The following MDGA2 variants were observed in gnomAD, a reference collection of about 807,000 sequenced individuals.
MDGA2 encodes the protein MAM domain containing glycosylphosphatidylinositol anchor 2, also known as MAM domain-containing glycosylphosphatidylinositol anchor protein 2.
Under a neutral mutation model 117.8 loss-of-function variants are expected in MDGA2, and 40 were observed. The ratio of observed to expected loss-of-function variants is 0.34; its 90% CI spans 0.26 to 0.44. MDGA2 has a LOEUF of 0.44. MDGA2 is among the 20% of genes least tolerant of loss of function. The probability of loss-of-function intolerance (pLI) is 1.00; values close to 1 mark genes in which losing one functional copy is unlikely to be tolerated. For missense variants in MDGA2, 1,123 were observed against 1,250.6 expected (o/e 0.90, Z 1.54); for synonymous variants, 452 against 439.0 (o/e 1.03, Z -0.37).
At chr14:46,979,652 T>C (rs1172207113) in intron 8 of MDGA2, among the ~76,000 whole-genome samples, 1 of 152,200 alleles carries the variant, frequency 6.6e-6, no homozygotes, top group Non-Finnish European at 1.5e-5. Flanking sequence ...AGCCACAATA[T>C]GCCCTTAACC....
intron 10 of MDGA2, among the ~76,000 whole-genome samples, chr14:46,902,221 G>C (rs1198692896): frequency 6.6e-6 from 1 of 151,902 alleles, no homozygotes; most frequent in Non-Finnish European, 1.5e-5. Context: ...AATTTTGAAA[G>C]TGTTTGCATT....
rs933125178 is a variant in MDGA2, at chr14:47,475,235, A to T, written c.281-173685T>A. 6.6e-5 allele frequency among the ~76,000 whole-genome samples: 10 copies of T among 152,322 alleles called. No homozygotes were observed. In the East Asian group the frequency reaches 1.2e-3, roughly 18 times the overall value. On this transcript the variant is annotated intron_variant, in intron 1 of 16. Transcript: ENST00000399232. Reference sequence around the variant, plus strand: ...AAGAAACATATTGAAGGTCAACTTCACTCATCATTAGAGAAATGCAAATCA... The same window carrying T: ...AAGAAACATATTGAAGGTCAACTTCTCTCATCATTAGAGAAATGCAAATCA...
intron 1 of MDGA2, among the ~76,000 whole-genome samples, chr14:47,614,386 G>T (rs989038105): frequency 2.0e-5 from 3 of 152,000 alleles, no homozygotes; most frequent in Non-Finnish European, 2.9e-5. Flanking sequence ...CATCGCATCC[G>T]GCCACTTTTT....
intron 8 of MDGA2, among the ~76,000 whole-genome samples, chr14:47,014,623 A>G (rs1325003287): frequency 1.3e-5 from 2 of 152,136 alleles, no homozygotes; most frequent in Admixed American, 6.5e-5. Context: ...TCATGAACCA[A>G]CATGTGTTAG....
At chr14:47,142,018 A>T (rs1488977542) in intron 4 of MDGA2, among the ~76,000 whole-genome samples, 2 of 152,202 alleles carry the variant, frequency 1.3e-5, no homozygotes, top group Non-Finnish European at 2.9e-5. Context: ...TCAATTTTTT[A>T]AAAGTTTGAT....
intron 1 of MDGA2, among the ~76,000 whole-genome samples, chr14:47,471,901 G>A (rs1261077833): frequency 6.6e-6 from 1 of 152,008 alleles, no homozygotes; most frequent in African/African-American, 2.4e-5. Flanking sequence ...CTTGTTACAA[G>A]ACCAGGCTTG....
rs1451072312 is a variant in MDGA2, at chr14:47,675,020, G to A, written c.-224C>T. On this transcript the variant is annotated 5_prime_UTR_variant, in exon 1 of 17. Coordinates refer to ENST00000399232, the MANE Select transcript of MDGA2 (RefSeq NM_001113498.3). ...GGCGGCGGCGGCGCGCTGGGCCGGC[G>A]GCGGGCGCGGGCAGGGGGCCGGGGG... The A allele has an allele frequency of 8.3e-6, 2 of 240,726 alleles. No homozygotes were observed. The highest frequency in any genetic ancestry group is 1.8e-4 in the East Asian group (2 of 11,168). The allele number at this position is 240,726 out of a possible 1,614,324, so 14.9% of individuals were successfully genotyped here. A position where few individuals can be genotyped will look rare whatever the true frequency, so the allele number is the denominator to read the frequency against.
chr14:47,352,309 G>A (rs887011023), intron 1 of MDGA2, among the ~76,000 whole-genome samples: 9 of 152,190 alleles, frequency 5.9e-5, no homozygotes, highest in East Asian at 3.9e-4. Flanking sequence ...CCTGCTGATC[G>A]TGTCTGGTTA....
chr14:47,023,603 T>A (rs536098297), intron 8 of MDGA2, among the ~76,000 whole-genome samples: 2 of 152,280 alleles, frequency 1.3e-5, no homozygotes, highest in South Asian at 2.1e-4. Context: ...TATCCTAATT[T>A]GAAATGTATG....
At chr14:46,882,252 C>T (rs937292628) in intron 10 of MDGA2, 31 bp from the exon 11 acceptor site, 4 of 1,572,516 alleles carry the variant, frequency 2.5e-6, no homozygotes, top group Non-Finnish European at 3.5e-6. Context: ...GAATAATGTT[C>T]CCAGTATGTT....
chr14:47,619,722 T>TTTTAAAAGGCTGG (rs2138924317), intron 1 of MDGA2, among the ~76,000 whole-genome samples: 1 of 152,314 alleles, frequency 6.6e-6, no homozygotes, highest in Admixed American at 6.5e-5. Context: ...GGTACTGACG[T>TTTTAAAAGGCTGG]TTTAAAAGGC....
intron 1 of MDGA2, among the ~76,000 whole-genome samples, chr14:47,396,419 T>G (rs1178902549): frequency 6.6e-6 from 1 of 152,120 alleles, no homozygotes; most frequent in Admixed American, 6.6e-5. Context: ...ATTCAGGACA[T>G]AGCCATGGGC....
intron 1 of MDGA2, among the ~76,000 whole-genome samples, chr14:47,374,226 G>A (rs1891427621): frequency 6.6e-6 from 1 of 151,936 alleles, no homozygotes; most frequent in Non-Finnish European, 1.5e-5. Flanking sequence ...TACCTTTGAT[G>A]GTAAAGATCA....
In MDGA2 at chr14:47,002,822, T is replaced by C. The variant is rs369855306; in HGVS notation, c.1819+32189A>G. Among the ~76,000 whole-genome samples the C allele has an allele frequency of 6.3e-4, 96 of 152,308 alleles. 2 individuals carry two copies. The highest frequency in any genetic ancestry group is 2.2e-3 in the African/African-American group (90 of 41,580). ...AATATATGCATTTTGTGTAAGTCTG[T>C]CTTAGCTTTGTTGAGGTATAATTGA... On this transcript the variant is annotated intron_variant, in intron 8 of 16. Coordinates refer to ENST00000399232, the MANE Select transcript of MDGA2 (RefSeq NM_001113498.3).
chr14:46,978,099 T>G (rs982380638), intron 8 of MDGA2, among the ~76,000 whole-genome samples: 1 of 151,930 alleles, frequency 6.6e-6, no homozygotes, highest in African/African-American at 2.4e-5. Context: ...CTAGGTATAA[T>G]AGTTTCAACA....
intron 5 of MDGA2, among the ~76,000 whole-genome samples, chr14:47,128,239 T>C (rs986770103): frequency 6.6e-6 from 1 of 152,066 alleles, no homozygotes; most frequent in Non-Finnish European, 1.5e-5. Context: ...GATAGAAAAA[T>C]ACATGACAAG....
At chr14:47,170,077 T>G (rs1241701168) in intron 3 of MDGA2, among the ~76,000 whole-genome samples, 2 of 152,106 alleles carry the variant, frequency 1.3e-5, no homozygotes, top group African/African-American at 4.8e-5. Flanking sequence ...CCAGAATAAC[T>G]CCTGGAGTTC....
chr14:47,244,251 A>T (rs1356779172), intron 2 of MDGA2, among the ~76,000 whole-genome samples: 1 of 151,890 alleles, frequency 6.6e-6, no homozygotes, highest in African/African-American at 2.4e-5. Context: ...TAGAGAAGAT[A>T]ATAGAAGTCA....
At chr14:47,090,361 T>C (rs896410287) in intron 6 of MDGA2, among the ~76,000 whole-genome samples, 18 of 146,938 alleles carry the variant, frequency 1.2e-4, no homozygotes, top group African/African-American at 4.6e-4. Context: ...TTCTTTATAT[T>C]AGGACTCTTA....
Sources: gnomAD v4.1 joint callset for allele counts (sites outside exome capture counted in the v4.1 genomes callset) on GRCh38, gnomAD v4.1.1 for gene constraint, MANE v1.5 for transcripts, NCBI Gene and HGNC (gene_info 2026-07-23, HGNC 2026-07-21) for gene names.